Variants in LRRC4C observed in about 807,000 individuals in gnomAD.
The protein encoded by LRRC4C is leucine-rich repeat-containing protein 4C.
Under a neutral mutation model 33.6 loss-of-function variants are expected in LRRC4C, and 5 were observed. The observed-to-expected ratio is 0.15, with a 90% CI of 0.08 to 0.31. The LOEUF (loss-of-function observed/expected upper bound fraction) is 0.31, where lower values mean the gene tolerates loss of function less well. LRRC4C is among the 10% of genes least tolerant of loss of function. The probability of loss-of-function intolerance (pLI) is 1.00; values close to 1 mark genes in which losing one functional copy is unlikely to be tolerated. For missense variants in LRRC4C, 560 were observed against 796.7 expected (o/e 0.70, Z 3.58); for synonymous variants, 329 against 302.0 (o/e 1.09, Z -0.93).
intron 2 of LRRC4C, among the ~76,000 whole-genome samples, chr11:40,902,337 G>T (rs1368770216): frequency 6.6e-6 from 1 of 152,000 alleles, no homozygotes; most frequent in Non-Finnish European, 1.5e-5. Flanking sequence ...GATAAATGTT[G>T]TATGTGTCTG....
At chr11:40,457,782 G>A (rs1464143786) in intron 3 of LRRC4C, among the ~76,000 whole-genome samples, 1 of 151,944 alleles carries the variant, frequency 6.6e-6, no homozygotes, top group Non-Finnish European at 1.5e-5. Flanking sequence ...CTTCCTGATG[G>A]CTCCCCTCCT....
At chr11:40,971,316 G>C (rs1469143817) in intron 1 of LRRC4C, among the ~76,000 whole-genome samples, 3 of 152,268 alleles carry the variant, frequency 2.0e-5, no homozygotes, top group South Asian at 2.1e-4. Flanking sequence ...CCTGGTCCCT[G>C]CATTCTAGCC....
At chr11:40,725,450 G>C (rs1388619027) in intron 2 of LRRC4C, among the ~76,000 whole-genome samples, 1 of 151,750 alleles carries the variant, frequency 6.6e-6, no homozygotes, top group Non-Finnish European at 1.5e-5. Context: ...GAAGCTTGCA[G>C]TGAGGCAGTG....
At chr11:40,278,781 G>T (rs1357653073) in intron 4 of LRRC4C, among the ~76,000 whole-genome samples, 1 of 81,646 alleles carries the variant, frequency 1.2e-5, no homozygotes, top group South Asian at 5.9e-4. Flanking sequence ...ACCACCAGAC[G>T]TATGATAGAT....
At chr11:41,217,250 A>G (rs1947102134) in intron 1 of LRRC4C, among the ~76,000 whole-genome samples, 1 of 152,198 alleles carries the variant, frequency 6.6e-6, no homozygotes, top group Admixed American at 6.5e-5. Context: ...GAACACTTGA[A>G]TTTTCTTTCT....
At chr11:40,893,429 C>T (rs951139457) in intron 2 of LRRC4C, among the ~76,000 whole-genome samples, 1 of 151,828 alleles carries the variant, frequency 6.6e-6, no homozygotes, top group Non-Finnish European at 1.5e-5. Context: ...GTGATGAATA[C>T]CCTGTTCACC....
chr11:40,922,023 G>A (rs1957205120), intron 2 of LRRC4C, among the ~76,000 whole-genome samples: 1 of 152,084 alleles, frequency 6.6e-6, no homozygotes. Context: ...CAAATTCAAT[G>A]TTTGGCAATA....
intron 5 of LRRC4C, among the ~76,000 whole-genome samples, chr11:40,147,998 G>C (rs747088587): frequency 2.0e-5 from 3 of 152,066 alleles, no homozygotes; most frequent in Non-Finnish European, 2.9e-5. Context: ...TGCAATATTT[G>C]GTTTTCTGTT....
At chr11:40,332,613 T>G (rs1419301195) in intron 3 of LRRC4C, among the ~76,000 whole-genome samples, 1 of 152,220 alleles carries the variant, frequency 6.6e-6, no homozygotes, top group East Asian at 1.9e-4. Flanking sequence ...TAATTTTAAT[T>G]TAAAAAATAT....
chr11:40,781,471 A>T (rs1408018212), intron 2 of LRRC4C, among the ~76,000 whole-genome samples: 1 of 152,166 alleles, frequency 6.6e-6, no homozygotes, highest in Non-Finnish European at 1.5e-5. Flanking sequence ...TGTGTTATTT[A>T]ACGTAGGTTT....
intron 2 of LRRC4C, among the ~76,000 whole-genome samples, chr11:40,933,254 C>A (rs1425730287): frequency 1.3e-5 from 2 of 152,190 alleles, no homozygotes; most frequent in Non-Finnish European, 2.9e-5. Flanking sequence ...TTACAAGAGA[C>A]AAACTGACTC....
chr11:41,122,399 C>T (rs890497851), intron 1 of LRRC4C, among the ~76,000 whole-genome samples: 3 of 152,108 alleles, frequency 2.0e-5, no homozygotes, highest in African/African-American at 7.2e-5. Context: ...GTCATAACTC[C>T]TCTGCCATCC....
At chr11:40,239,729 C>T (rs113278687) in intron 5 of LRRC4C, among the ~76,000 whole-genome samples, 25 of 152,174 alleles carry the variant, frequency 1.6e-4, no homozygotes, top group African/African-American at 5.8e-4. Flanking sequence ...ACAGTAAAAG[C>T]CGAATGTTTT....
intron 3 of LRRC4C, among the ~76,000 whole-genome samples, chr11:40,417,662 A>G (rs1008443835): frequency 5.3e-5 from 8 of 151,916 alleles, no homozygotes; most frequent in Admixed American, 6.6e-5. Flanking sequence ...AAAACATGTA[A>G]TTTCAAAGCA....
chr11:40,647,962 C>A (rs1454611984), intron 3 of LRRC4C, among the ~76,000 whole-genome samples, 180 bp downstream of exon 3: 2 of 152,134 alleles, frequency 1.3e-5, no homozygotes, highest in Non-Finnish European at 2.9e-5. Flanking sequence ...CCCAAATGAA[C>A]AAGATGAAAT....
intron 2 of LRRC4C, among the ~76,000 whole-genome samples, chr11:40,873,105 C>T (rs1004230483): frequency 6.6e-6 from 1 of 152,104 alleles, no homozygotes; most frequent in Admixed American, 6.5e-5. Flanking sequence ...CTCATGTTTA[C>T]AATTAGAAAG....
intron 3 of LRRC4C, among the ~76,000 whole-genome samples, chr11:40,475,824 A>G (rs751909770): frequency 3.4e-4 from 51 of 152,154 alleles, no homozygotes; most frequent in Non-Finnish European, 1.3e-4. Flanking sequence ...TTATAGAGCC[A>G]TCCTAGCATC....
At position 40,301,204 on chromosome 11, in the gene LRRC4C, CG is replaced by C. The variant is rs577939618; in HGVS notation, c.-176+18423del. ...ATAAGAAGAAAGCTGAAAGAAACAA[CG>C]GTATGACAATTTGGCAACCACTTCT... On this transcript the variant is annotated intron_variant, in intron 4 of 6. Coordinates refer to ENST00000528697, the MANE Select transcript of LRRC4C (RefSeq NM_001258419.2). Among the ~76,000 whole-genome samples the C allele has an allele frequency of 5.9e-5, 9 of 152,292 alleles. No homozygotes were observed. In the South Asian group the frequency reaches 1.9e-3, roughly 32 times the overall value.
chr11:40,533,013 C>A (rs10437590), intron 3 of LRRC4C, among the ~76,000 whole-genome samples: 1 of 151,988 alleles, frequency 6.6e-6, no homozygotes, highest in Non-Finnish European at 1.5e-5. Context: ...ATCACGAGAA[C>A]AGCAAACCAA....
Sources: gnomAD v4.1 joint callset for allele counts (sites outside exome capture counted in the v4.1 genomes callset) on GRCh38, gnomAD v4.1.1 for gene constraint, MANE v1.5 for transcripts, NCBI Gene and HGNC (gene_info 2026-07-23, HGNC 2026-07-21) for gene names.